PTPRK: variants seen among roughly 807,000 people sequenced by gnomAD.
The protein encoded by PTPRK is receptor-type tyrosine-protein phosphatase kappa.
A neutral mutation model predicts 178.0 loss-of-function variants in PTPRK; 75 were observed. The observed-to-expected ratio is 0.42, with a 90% CI of 0.35 to 0.51. PTPRK has a LOEUF of 0.51. Among genes scored for constraint, PTPRK ranks in the 20% least tolerant of loss-of-function variants. The pLI, the probability that PTPRK is intolerant of heterozygous loss-of-function variation, is 0.02. For missense variants in PTPRK, 1,441 were observed against 1,797.8 expected (o/e 0.80, Z 3.59); for synonymous variants, 637 against 620.6 (o/e 1.03, Z -0.39).
At chr6:128,220,533 T>C (rs1354421048) in intron 5 of PTPRK, among the ~76,000 whole-genome samples, 1 of 152,174 alleles carries the variant, frequency 6.6e-6, no homozygotes, top group African/African-American at 2.4e-5. Context: ...GAAACAAAAA[T>C]GATAACATTC....
Position 127,995,412 on chromosome 6 carries a change from C to CAT in PTPRK, c.2844+48_2844+49dup, listed in dbSNP as rs772138027. On this transcript the variant is annotated intron_variant, in intron 18 of 29. Transcript: ENST00000368226. ...TTTATAGGTAATAAGCAAAAAGGTT[C>CAT]ATATATATAAGCCAATAAAGTAGAC... 20 of 1,480,984 alleles carry CAT rather than the reference C, an allele frequency of 1.4e-5. No homozygotes were observed. The Middle Eastern group carries it at 5.2e-4, about 39-fold the overall frequency. 91.7% of individuals were successfully genotyped at this position (1,480,984 alleles called of 1,614,324 possible). A position where few individuals can be genotyped will look rare whatever the true frequency, so the allele number is the denominator to read the frequency against.
intron 1 of PTPRK, among the ~76,000 whole-genome samples, chr6:128,515,445 C>T (rs1857840975): frequency 6.6e-6 from 1 of 151,252 alleles, no homozygotes; most frequent in Non-Finnish European, 1.5e-5. Flanking sequence ...TGTTCAAAAG[C>T]AATTACAACC....
chr6:128,194,568 G>A (rs1046579211), intron 6 of PTPRK, among the ~76,000 whole-genome samples: 1 of 152,066 alleles, frequency 6.6e-6, no homozygotes, highest in African/African-American at 2.4e-5. Flanking sequence ...AGCTCAAACT[G>A]TTCATAGTAT....
At chr6:128,094,881 AG>A (rs1472630070) in intron 7 of PTPRK, among the ~76,000 whole-genome samples, 1 of 152,054 alleles carries the variant, frequency 6.6e-6, no homozygotes, top group Admixed American at 6.6e-5. Context: ...GAAAAAGGAG[AG>A]GGCAAAAGAG....
intron 1 of PTPRK, among the ~76,000 whole-genome samples, chr6:128,472,003 G>C (rs886501768): frequency 2.0e-5 from 3 of 151,960 alleles, no homozygotes; most frequent in African/African-American, 7.3e-5. Context: ...GAGAGAGAGA[G>C]AGGAAAAGAG....
intron 1 of PTPRK, among the ~76,000 whole-genome samples, chr6:128,494,918 T>C (rs1279960237): frequency 6.6e-6 from 1 of 152,232 alleles, no homozygotes; most frequent in Non-Finnish European, 1.5e-5. Flanking sequence ...AGCAGTCACA[T>C]TGTAAAGCCT....
intron 8 of PTPRK, among the ~76,000 whole-genome samples, chr6:128,084,699 C>A (rs1299564394): frequency 6.6e-6 from 1 of 152,152 alleles, no homozygotes; most frequent in Non-Finnish European, 1.5e-5. Context: ...CTTTCGCTAT[C>A]GTGTATTTTC....
At chr6:128,174,857 C>T (rs1489288887) in intron 7 of PTPRK, among the ~76,000 whole-genome samples, 1 of 151,836 alleles carries the variant, frequency 6.6e-6, no homozygotes, top group Non-Finnish European at 1.5e-5. Context: ...GTTTTGTGCA[C>T]ATCTATTATA....
At chr6:128,265,992 T>C (rs1004155483) in intron 3 of PTPRK, among the ~76,000 whole-genome samples, 1 of 152,116 alleles carries the variant, frequency 6.6e-6, no homozygotes, top group Non-Finnish European at 1.5e-5. Context: ...GCACTGTCTA[T>C]GAACGAGAAA....
At chr6:128,348,477 A>G (rs1433642973) in intron 2 of PTPRK, among the ~76,000 whole-genome samples, 1 of 152,000 alleles carries the variant, frequency 6.6e-6, no homozygotes, top group African/African-American at 2.4e-5. Flanking sequence ...CAAATCTTTA[A>G]AATATATTTG....
At chr6:128,470,140 T>C (rs1173182023) in intron 1 of PTPRK, among the ~76,000 whole-genome samples, 1 of 152,136 alleles carries the variant, frequency 6.6e-6, no homozygotes, top group Non-Finnish European at 1.5e-5. Flanking sequence ...TTATACATCC[T>C]GTTATTCCTA....
chr6:128,257,167 T>G (rs183265878), intron 3 of PTPRK, among the ~76,000 whole-genome samples: 2 of 151,284 alleles, frequency 1.3e-5, no homozygotes, highest in African/African-American at 4.9e-5. Context: ...GAGGCGGAGA[T>G]TGTGGTGAGC....
intron 13 of PTPRK, among the ~76,000 whole-genome samples, chr6:128,019,410 G>A (rs1773108082): frequency 6.6e-6 from 1 of 152,004 alleles, no homozygotes; most frequent in Non-Finnish European, 1.5e-5. Context: ...AGGAAAAGCT[G>A]GGGAGATATA....
intron 3 of PTPRK, among the ~76,000 whole-genome samples, chr6:128,296,005 C>A (rs1248498024): frequency 6.6e-6 from 1 of 152,128 alleles, no homozygotes; most frequent in Non-Finnish European, 1.5e-5. Context: ...AAGTTCCTAG[C>A]AAGTTTCTCT....
intron 1 of PTPRK, among the ~76,000 whole-genome samples, chr6:128,467,614 T>C (rs1211453303): frequency 6.6e-6 from 1 of 152,234 alleles, no homozygotes; most frequent in Non-Finnish European, 1.5e-5. Flanking sequence ...GATCACTTAC[T>C]TCTCTTCATG....
chr6:128,226,735 T>C lies in PTPRK; in HGVS notation c.694-7639A>G, dbSNP rs569414015. The stretch of plus-strand genomic sequence containing the variant: ...TTCAATTTTGTAAATAAAATCCTAC[T>C]ATATGTAATCTTATAATTATATAGA... On this transcript the variant is annotated intron_variant, in intron 5 of 29. Transcript: ENST00000368226. 2.8e-3 allele frequency among the ~76,000 whole-genome samples: 400 copies of C among 145,124 alleles called. 1 individual carries two copies. Among genetic ancestry groups the C allele is most frequent in the Non-Finnish European group, 4.6e-3 (307 of 66,692 alleles).
chr6:128,219,209 A>AT (rs1809934146), intron 5 of PTPRK, 113 bp from the exon 6 acceptor site: 10 of 958,900 alleles, frequency 1.0e-5, no homozygotes, highest in South Asian at 5.5e-5. Flanking sequence ...AAGAGCCACA[A>AT]TTTTTTTCCA....
chr6:128,186,139 C>T (rs1391857771), intron 6 of PTPRK, among the ~76,000 whole-genome samples: 1 of 151,948 alleles, frequency 6.6e-6, no homozygotes, highest in African/African-American at 2.4e-5. Flanking sequence ...GTTAGGCTGT[C>T]CTACACATTG....
At chr6:128,500,102 G>T (rs181825020) in intron 1 of PTPRK, among the ~76,000 whole-genome samples, 1 of 152,322 alleles carries the variant, frequency 6.6e-6, no homozygotes, top group Non-Finnish European at 1.5e-5. Context: ...AAATGGCCCA[G>T]AGAAACATAC....
Sources: allele counts gnomAD v4.1 joint callset (sites outside exome capture counted in the v4.1 genomes callset), GRCh38; gene constraint gnomAD v4.1.1; transcripts MANE v1.5; gene names NCBI Gene and HGNC (gene_info 2026-07-23, HGNC 2026-07-21).